The following IKBKB variants were observed in gnomAD, a reference collection of about 807,000 sequenced individuals.
IKBKB encodes inhibitor of nuclear factor kappa B kinase subunit beta.
A neutral mutation model predicts 113.6 loss-of-function variants in IKBKB; 42 were observed. That is an observed-to-expected ratio of 0.37 (90% CI 0.29 to 0.48). The LOEUF (loss-of-function observed/expected upper bound fraction) is 0.48. IKBKB is among the 20% of genes least tolerant of loss of function. IKBKB has a pLI of 0.99. For missense variants in IKBKB, 673 were observed against 939.7 expected, an observed-to-expected ratio of 0.72 and a Z score of 3.71; for synonymous variants, 296 against 361.3, an observed-to-expected ratio of 0.82 and a Z score of 2.05.
intron 2 of IKBKB, among the ~76,000 whole-genome samples, chr8:42,282,535 C>T (rs974249986): frequency 4.6e-5 from 7 of 152,138 alleles, no homozygotes; most frequent in African/African-American, 1.4e-4. Context: ...TTGTCCTTCA[C>T]GAGGAGTTCA....
chr8:42,309,593 A>G (rs941783324), intron 8 of IKBKB: 2 of 271,294 alleles, frequency 7.4e-6, no homozygotes, highest in Non-Finnish European at 1.5e-5. Context: ...TGTCTCTACT[A>G]AAAACCCTAG....
Position 42,308,849 on chromosome 8 carries a change from G to A in IKBKB, c.568-52G>A, listed in dbSNP as rs374536569. Reference sequence around the variant, plus strand: ...GATGGGCTGGCCGCCCCCTCCTGCCGTGGTCCCCCCAGAGAGGAGCAGCTC... The same window carrying A: ...GATGGGCTGGCCGCCCCCTCCTGCCATGGTCCCCCCAGAGAGGAGCAGCTC... On this transcript the variant is annotated intron_variant, in intron 7 of 21. Coordinates refer to ENST00000520810, the MANE Select transcript of IKBKB (RefSeq NM_001556.3). The A allele has an allele frequency of 1.4e-4, 221 of 1,589,944 alleles. No homozygotes were observed. The African/African-American group carries it at 2.2e-3, about 16-fold the overall frequency.
intron 4 of IKBKB, among the ~76,000 whole-genome samples, chr8:42,292,897 G>C (rs929302466): frequency 2.6e-5 from 4 of 152,218 alleles, no homozygotes; most frequent in African/African-American, 9.6e-5. Context: ...TACTTACTCA[G>C]TGGTGGTGGT....
chr8:42,331,470 T>C lies in IKBKB; in HGVS notation c.*491T>C, dbSNP rs1181083953. 1 of 696,326 alleles carries C rather than the reference T, an allele frequency of 1.4e-6. No individual in the cohort carries two copies. The highest frequency in any genetic ancestry group is 2.0e-5 in the Admixed American group (1 of 49,590). 43.1% of individuals were successfully genotyped at this position (696,326 alleles called of 1,614,324 possible). ...CCTGCTCTCCAAAGGCCCTGCTCCC[T>C]GTCCTCTCTCACTTTACAGCTTGTG... On this transcript the variant is annotated 3_prime_UTR_variant, in exon 22 of 22. Transcript: ENST00000520810.
intron 20 of IKBKB, 171 bp downstream of exon 20, chr8:42,326,268 A>G: frequency 1.3e-6 from 1 of 742,694 alleles, no homozygotes; most frequent in Non-Finnish European, 2.1e-6. Context: ...TTTGGCTCTC[A>G]TAGTCCCTTG....
At position 42,331,523 on chromosome 8, in the gene IKBKB, C is replaced by T. The variant is rs568875980; in HGVS notation, c.*544C>T. On this transcript the variant is annotated 3_prime_UTR_variant, in exon 22 of 22. Transcript: ENST00000520810. The stretch of plus-strand genomic sequence containing the variant: ...TCTTCTGGATTCAGCTTCTCCTAAA[C>T]AGACAGTTTAATTATAGTTGCGGCC... 1.4e-5 allele frequency: 9 copies of T among 642,904 alleles called. No homozygotes were observed. The Admixed American group carries it at 2.2e-4, about 15-fold the overall frequency. 39.8% of individuals were successfully genotyped at this position (642,904 alleles called of 1,614,324 possible).
intron 2 of IKBKB, among the ~76,000 whole-genome samples, chr8:42,276,142 G>C (rs1172207981): frequency 6.6e-6 from 1 of 152,166 alleles, no homozygotes; most frequent in African/African-American, 2.4e-5. Context: ...CGCTAGCCTT[G>C]TTTGTAGTTT....
intron 4 of IKBKB, among the ~76,000 whole-genome samples, chr8:42,292,337 G>C (rs952192791): frequency 2.0e-5 from 3 of 152,216 alleles, no homozygotes; most frequent in African/African-American, 4.8e-5. Context: ...CAGGGAAGAA[G>C]AGATCGAAAG....
chr8:42,316,436 T>C lies in IKBKB; in HGVS notation c.930+97T>C. 1 of 1,453,708 alleles carries C rather than the reference T, an allele frequency of 6.9e-7. No homozygotes were observed. The highest frequency in any genetic ancestry group is 2.3e-5 in the East Asian group (1 of 43,602). 90.1% of individuals were successfully genotyped at this position (1,453,708 alleles called of 1,614,324 possible). On this transcript the variant is annotated intron_variant, in intron 10 of 21. Transcript: ENST00000520810. The surrounding 1 kb of genome is among the most constrained non-coding windows in gnomAD (Gnocchi z 4.5). ...GAGCAGGGGATGGGGCCAGCTGACCTAGTGAGGAAATTTAGGCTCCTGCAT... is the reference window on the plus strand; with the variant it reads ...GAGCAGGGGATGGGGCCAGCTGACCCAGTGAGGAAATTTAGGCTCCTGCAT...
Position 42,331,085 on chromosome 8 carries a change from G to T in IKBKB, c.*106G>T. The T allele has an allele frequency of 1.3e-6, 2 of 1,553,296 alleles. No homozygotes were observed. Among genetic ancestry groups the T allele is most frequent in the East Asian group, 2.3e-5 (1 of 44,224 alleles). ...GGCTGCCTGGAGCAGGCCGCGTGAC[G>T]TGGGGCTGCCTGGCCGCGGCTCTCA... On this transcript the variant is annotated 3_prime_UTR_variant, in exon 22 of 22. Coordinates refer to ENST00000520810, the MANE Select transcript of IKBKB (RefSeq NM_001556.3).
intron 2 of IKBKB, among the ~76,000 whole-genome samples, chr8:42,280,339 CT>C: frequency 6.6e-6 from 1 of 152,300 alleles, no homozygotes; most frequent in East Asian, 1.9e-4. Flanking sequence ...TCCCTAAGAC[CT>C]CCAGCCCAGG....
In IKBKB at chr8:42,316,218, C is replaced by G; in HGVS notation, c.809C>G (p.Ala270Gly). 6.2e-7 allele frequency: 1 copy of G among 1,614,078 alleles called. No homozygotes were observed. Among genetic ancestry groups the G allele is most frequent in the Non-Finnish European group, 8.5e-7 (1 of 1,179,992 alleles). The stretch of plus-strand genomic sequence containing the variant: ...TATGCTCCTCTCCACAGTGTCCTGG[C>G]TGAGCGACTGGAGAAGTGGCTGCAA... ...PYPNNLNSVL[A>G]ERLEKWLQLM... is the part of the protein sequence containing the mutation. The change falls in exon 10 of 22, where the codon GCT (alanine) becomes GGT (glycine). Residue 270 changes from alanine (A) to glycine (G), a missense_variant. Physicochemically the swap from Ala to Gly is moderately conservative, Grantham distance 60. Around this residue, in one of 2 missense-constraint regions of IKBKB, gnomAD observed 506 missense variants for 638.7 expected, o/e 0.79. Coordinates refer to ENST00000520810, the MANE Select transcript of IKBKB (RefSeq NM_001556.3). This position sits in a 1 kb window ranked among gnomAD's most constrained non-coding sequence, Gnocchi z 4.5.
intron 8 of IKBKB, chr8:42,309,527 G>A: frequency 2.5e-6 from 1 of 398,190 alleles, no homozygotes; most frequent in Non-Finnish European, 5.0e-6. Context: ...GGCCGAGGCA[G>A]GTGGATCAGT....
At chr8:42,304,406 G>T (rs1043473501) in intron 5 of IKBKB, among the ~76,000 whole-genome samples, 10 of 152,186 alleles carry the variant, frequency 6.6e-5, no homozygotes, top group African/African-American at 2.4e-4. Flanking sequence ...GCCTCCTCAT[G>T]TGACATCATC....
At chr8:42,299,968 G>A (rs543684321) in intron 5 of IKBKB, among the ~76,000 whole-genome samples, 1 of 152,364 alleles carries the variant, frequency 6.6e-6, no homozygotes, top group South Asian at 2.1e-4. Flanking sequence ...TTTGGGGCCA[G>A]TTGACCAGAC....
chr8:42,288,402 AAG>A (rs1351059667), intron 2 of IKBKB, among the ~76,000 whole-genome samples: 2 of 150,770 alleles, frequency 1.3e-5, no homozygotes, highest in South Asian at 4.2e-4. Context: ...AAAAAAAAAA[AAG>A]AGAGAGAAAG....
At chr8:42,276,569 TTTTTC>T (rs1809134497) in intron 2 of IKBKB, among the ~76,000 whole-genome samples, 1 of 152,168 alleles carries the variant, frequency 6.6e-6, no homozygotes, top group Non-Finnish European at 1.5e-5. Context: ...TTTATTCTGT[TTTTTC>T]TTTTGCTGTG....
Position 42,280,164 on chromosome 8 carries a change from G to A in IKBKB, c.105+7959G>A, listed in dbSNP as rs191311870. Among the ~76,000 whole-genome samples, 439 of 152,232 alleles carry A rather than the reference G, an allele frequency of 2.9e-3. 2 individuals carry two copies. Among genetic ancestry groups the A allele is most frequent in the Non-Finnish European group, 5.3e-3 (357 of 68,000 alleles). On this transcript the variant is annotated intron_variant, in intron 2 of 21. Coordinates refer to ENST00000520810, the MANE Select transcript of IKBKB (RefSeq NM_001556.3). ...TGCTTGGTTGAAAAACACTTCTTTG[G>A]AGGACAAAACACTTATAAGTCTTCC...
chr8:42,271,810 C>T (rs976445024), intron 1 of IKBKB: 18 of 527,602 alleles, frequency 3.4e-5, no homozygotes, highest in Non-Finnish European at 6.0e-5. Context: ...TGGGGATCCC[C>T]TCGCTAGGGC....
Sources: allele counts gnomAD v4.1 joint callset (sites outside exome capture counted in the v4.1 genomes callset), GRCh38; gene constraint gnomAD v4.1.1; regional missense constraint gnomAD v4.1.1; non-coding constraint Gnocchi (gnomAD v3.1); transcripts MANE v1.5; gene names NCBI Gene and HGNC (gene_info 2026-07-23, HGNC 2026-07-21).